The following SORBS2 variants were observed in gnomAD, a reference collection of about 807,000 sequenced individuals.
SORBS2 encodes sorbin and SH3 domain containing 2, also known as sorbin and SH3 domain-containing protein 2.
SORBS2 carries 46 observed loss-of-function variants against 97.7 expected under a neutral mutation model. The ratio of observed to expected loss-of-function variants is 0.47; its 90% CI spans 0.37 to 0.60. The LOEUF (loss-of-function observed/expected upper bound fraction) is 0.60, where lower values mean the gene tolerates loss of function less well. Ranked by LOEUF, SORBS2 falls within the 20% of genes least tolerant of loss-of-function variation. SORBS2 has a pLI of 0.00. For missense variants in SORBS2, 1,316 were observed against 1,282.3 expected (o/e 1.03, Z -0.40); for synonymous variants, 476 against 473.4 (o/e 1.01, Z -0.07).
At chr4:185,656,680 C>T in exon 1 of SORBS2, 3 of 1,550,558 alleles carry the variant, frequency 1.9e-6, no homozygotes, top group South Asian at 2.4e-5. Context: ...CAAGCCTTCT[C>T]TTCCAGTGGA....
At chr4:185,658,846 A>G (rs1007191171), upstream of SORBS2, among the ~76,000 whole-genome samples, 1 of 152,016 alleles carries the variant, frequency 6.6e-6, no homozygotes, top group African/African-American at 2.4e-5. Context: ...ATGCCTGTAC[A>G]AAAAATTTTT....
At chr4:185,721,084 CTTTTT>C (rs1160319469) in intron 2 of SORBS2, among the ~76,000 whole-genome samples, 5 of 92,190 alleles carry the variant, frequency 5.4e-5, no homozygotes, top group African/African-American at 4.4e-5. Context: ...CCCACCTATT[CTTTTT>C]TTTTTTTTTT....
intron 13 of SORBS2, among the ~76,000 whole-genome samples, chr4:185,592,392 T>C: frequency 6.6e-6 from 1 of 152,212 alleles, no homozygotes; most frequent in Admixed American, 6.5e-5. Flanking sequence ...TCATAAACAC[T>C]TTGAAAGCTG....
intron 4 of SORBS2, among the ~76,000 whole-genome samples, chr4:185,668,951 CT>C (rs1238247317): frequency 2.6e-5 from 4 of 152,242 alleles, no homozygotes; most frequent in Non-Finnish European, 5.9e-5. Context: ...GCTGCCTGGT[CT>C]TCTGCAAAGG....
chr4:185,887,005 C>A (rs1029621098), intron 1 of SORBS2, among the ~76,000 whole-genome samples: 1 of 152,148 alleles, frequency 6.6e-6, no homozygotes, highest in African/African-American at 2.4e-5. Context: ...ACCTTCCAGC[C>A]AGTTTGAAGA....
rs527446489 is a variant in SORBS2 at position 185,669,523 on chromosome 4, G to A, written c.-45-7281C>T. Among the ~76,000 whole-genome samples the A allele has an allele frequency of 3.3e-5, 5 of 152,294 alleles. No homozygotes were observed. The East Asian group carries it at 9.7e-4, about 29-fold the overall frequency. On this transcript the variant is annotated intron_variant, in intron 4 of 20. Coordinates refer to the SORBS2 transcript ENST00000284776. ...AAGCTGGAGGTGGAAGAGGGTAGCT[G>A]TGGAGCGGGGATGTGAAGAAGGAGT...
chr4:185,924,540 T>C (rs1420994434), intron 1 of SORBS2, among the ~76,000 whole-genome samples: 1 of 152,206 alleles, frequency 6.6e-6, no homozygotes, highest in Non-Finnish European at 1.5e-5. Context: ...CCGCTGTCTT[T>C]TCCTGGTGCC....
chr4:185,836,721 A>G (rs976552419), intron 1 of SORBS2, among the ~76,000 whole-genome samples: 2 of 152,204 alleles, frequency 1.3e-5, no homozygotes, highest in Non-Finnish European at 2.9e-5. Context: ...CTGTGTAACT[A>G]TAATGTCAGT....
At position 185,780,559 on chromosome 4, in the gene SORBS2, A is replaced by G. The variant is rs373318202; in HGVS notation, c.-337-5193T>C. Among the ~76,000 whole-genome samples the G allele has an allele frequency of 2.0e-5, 3 of 152,190 alleles. No homozygotes were observed. The East Asian group carries it at 5.8e-4, about 29-fold the overall frequency. ...GCAAGCTCCCTACACTTGTGTCCTG[A>G]AAGGCAGATAGAGGCATGGGACTGC... On this transcript the variant is annotated intron_variant, in intron 1 of 20. Transcript: ENST00000284776.
intron 1 of SORBS2, among the ~76,000 whole-genome samples, chr4:185,909,309 T>G (rs1172414233): frequency 1.3e-5 from 2 of 152,252 alleles, no homozygotes. Context: ...TACTTTATGT[T>G]CTCACTTGTA....
At chr4:185,892,076 G>A (rs1327902247) in intron 1 of SORBS2, among the ~76,000 whole-genome samples, 7 of 152,030 alleles carry the variant, frequency 4.6e-5, no homozygotes, top group African/African-American at 1.7e-4. Flanking sequence ...CTCGTGATCC[G>A]CCTGCCTCGG....
chr4:185,878,124 T>C (rs2099234718), intron 1 of SORBS2, among the ~76,000 whole-genome samples: 1 of 152,168 alleles, frequency 6.6e-6, no homozygotes, highest in Non-Finnish European at 1.5e-5. Flanking sequence ...TTATCTCCTA[T>C]TGCTGTGATA....
At chr4:185,923,074 A>G (rs965492530) in intron 1 of SORBS2, among the ~76,000 whole-genome samples, 5 of 152,130 alleles carry the variant, frequency 3.3e-5, no homozygotes, top group African/African-American at 1.2e-4. Flanking sequence ...GCTAAGTGTC[A>G]GTGAGGTTAA....
At chr4:185,938,430 A>ACACACACACACACC (rs35146408) in intron 1 of SORBS2, among the ~76,000 whole-genome samples, 2 of 142,064 alleles carry the variant, frequency 1.4e-5, no homozygotes, top group Admixed American at 7.0e-5. Context: ...ACACACACAC[A>ACACACACACACACC]CCCTTTTATT....
intron 4 of SORBS2, chr4:185,645,834 C>G (rs1428950791): frequency 6.6e-6 from 1 of 152,052 alleles, no homozygotes; most frequent in Non-Finnish European, 1.5e-5. Flanking sequence ...ATCCTGAGGA[C>G]ACTGATTTCT....
At chr4:185,888,669 T>C (rs2099240901) in intron 1 of SORBS2, among the ~76,000 whole-genome samples, 1 of 152,250 alleles carries the variant, frequency 6.6e-6, no homozygotes, top group South Asian at 2.1e-4. Flanking sequence ...TTTGGGAATT[T>C]CCTTCCCCAT....
chr4:185,720,289 C>T (rs1192044985), intron 2 of SORBS2, among the ~76,000 whole-genome samples: 8 of 152,126 alleles, frequency 5.3e-5, no homozygotes, highest in Admixed American at 3.3e-4. Flanking sequence ...GAGGTTTTAT[C>T]GCAATAAATG....
chr4:185,620,197 A>C, intron 7 of SORBS2, 46 bp from the exon 20 acceptor site: 1 of 1,284,846 alleles, frequency 7.8e-7, no homozygotes, highest in Non-Finnish European at 1.1e-6. Context: ...CCACTTAATT[A>C]CAAGCCAACC....
intron 1 of SORBS2, among the ~76,000 whole-genome samples, chr4:185,917,727 G>A (rs1424688043): frequency 6.6e-6 from 1 of 152,118 alleles, no homozygotes; most frequent in African/African-American, 2.4e-5. Flanking sequence ...CCTTCAACCT[G>A]CGGGATCTGA....
Sources: allele counts gnomAD v4.1 joint callset (sites outside exome capture counted in the v4.1 genomes callset), GRCh38; gene constraint gnomAD v4.1.1; transcripts MANE v1.5; gene names NCBI Gene and HGNC (gene_info 2026-07-23, HGNC 2026-07-21).